The following VPS53 variants were observed in gnomAD, a reference collection of about 807,000 sequenced individuals.
VPS53 encodes the protein VPS53 subunit of GARP complex.
VPS53 carries 70 observed loss-of-function variants against 107.0 expected under a neutral mutation model. The observed-to-expected ratio is 0.65, with a 90% CI of 0.54 to 0.80. The LOEUF is 0.80. Ranked by LOEUF, VPS53 falls within the 30% of genes least tolerant of loss-of-function variation. VPS53 has a pLI of 0.00. For synonymous variants in VPS53, 409 were observed against 393.3 expected (o/e 1.04, Z -0.47); for missense variants, 917 against 1,049.4 (o/e 0.87, Z 1.74).
chr17:611,553 T>C (rs557522540), intron 11 of VPS53, among the ~76,000 whole-genome samples: 55 of 152,338 alleles, frequency 3.6e-4, no homozygotes, highest in Non-Finnish European at 5.1e-4. Flanking sequence ...AAGCCTAGGG[T>C]TACCATGTGA....
At chr17:693,177 G>A (rs1972834677) in intron 4 of VPS53, among the ~76,000 whole-genome samples, 1 of 152,014 alleles carries the variant, frequency 6.6e-6, no homozygotes, top group Non-Finnish European at 1.5e-5. Context: ...ATCTAGGCTG[G>A]GTATAGCCTA....
intron 4 of VPS53, chr17:674,962 A>G (rs1038535073): frequency 1.3e-5 from 2 of 152,378 alleles, no homozygotes; most frequent in East Asian, 3.9e-4. Context: ...AAATCAAGTA[A>G]AGTAATATAT....
chr17:701,901 T>C (rs1973216292), intron 2 of VPS53, among the ~76,000 whole-genome samples: 1 of 152,102 alleles, frequency 6.6e-6, no homozygotes, highest in Non-Finnish European at 1.5e-5. Context: ...CTAATTTTAT[T>C]ATTTTGTTAT....
At chr17:657,116 T>C (rs1450453556) in intron 5 of VPS53, 3 of 1,162,886 alleles carry the variant, frequency 2.6e-6, no homozygotes, top group Admixed American at 1.7e-5. Context: ...AATGGTGTCA[T>C]TCACCTTGAT....
rs887532529 is a variant in VPS53, at chr17:515,136, G to C, written c.*3992C>G. 6.6e-6 allele frequency: 1 copy of C among 152,098 alleles called. No individual in the cohort carries two copies. Among genetic ancestry groups the C allele is most frequent in the African/African-American group, 2.4e-5 (1 of 41,406 alleles). The allele number at this position is 152,098 out of a possible 1,614,324, so 9.4% of individuals were successfully genotyped here. On this transcript the variant is annotated 3_prime_UTR_variant, in exon 22 of 22. Coordinates refer to ENST00000437048, the MANE Select transcript of VPS53 (RefSeq NM_001128159.3). ...AAAGTTGTTTTTTGGTTTTTAAAGG[G>C]GCTACAGAAAATGGACTGAGGGGAA...
Position 565,893 on chromosome 17 carries a change from C to T in VPS53, c.1314-3148G>A, listed in dbSNP as rs182615892. ...TTATTTAACACTTTATTAGACAGTG[C>T]GAGGATGCCATATATTCAAGAAATA... On this transcript the variant is annotated intron_variant, in intron 13 of 21. Coordinates refer to ENST00000437048, the MANE Select transcript of VPS53 (RefSeq NM_001128159.3). Among the ~76,000 whole-genome samples the T allele has an allele frequency of 1.5e-3, 234 of 152,276 alleles. 1 individual carries two copies. The highest frequency in any genetic ancestry group is 5.4e-3 in the African/African-American group (226 of 41,556).
chr17:572,395 C>A (rs1308571820), intron 13 of VPS53, among the ~76,000 whole-genome samples: 1 of 149,910 alleles, frequency 6.7e-6, no homozygotes, highest in African/African-American at 2.5e-5. Flanking sequence ...GGCAGCCACC[C>A]CGTCCGGGAG....
intron 17 of VPS53, among the ~76,000 whole-genome samples, chr17:541,314 T>C (rs1341421432): frequency 6.6e-6 from 1 of 152,200 alleles, no homozygotes; most frequent in Non-Finnish European, 1.5e-5. Context: ...GAAGGAATGT[T>C]TATCAACCGC....
At chr17:538,373 G>C (rs1475255171) in intron 17 of VPS53, 1 of 152,424 alleles carries the variant, frequency 6.6e-6, no homozygotes, top group Non-Finnish European at 1.5e-5. Context: ...AATGGAGCTG[G>C]ATGGTCTGTT....
intron 17 of VPS53, among the ~76,000 whole-genome samples, chr17:541,583 C>T (rs1183102258): frequency 3.3e-5 from 5 of 151,088 alleles, no homozygotes; most frequent in African/African-American, 7.3e-5. Context: ...GCACCTACCA[C>T]GCACCAGGTG....
intron 13 of VPS53, among the ~76,000 whole-genome samples, chr17:583,445 C>T (rs1218193137): frequency 6.6e-6 from 1 of 151,336 alleles, no homozygotes; most frequent in Non-Finnish European, 1.5e-5. Flanking sequence ...CTCTCAGAAC[C>T]TCAATGCGTT....
intron 13 of VPS53, among the ~76,000 whole-genome samples, chr17:566,390 G>A (rs1449081783): frequency 1.3e-5 from 2 of 152,180 alleles, no homozygotes; most frequent in African/African-American, 2.4e-5. Context: ...GAAGGAGGTA[G>A]AATCATCTGT....
At chr17:626,805 T>C (rs559589531) in intron 10 of VPS53, among the ~76,000 whole-genome samples, 68 of 152,328 alleles carry the variant, frequency 4.5e-4, no homozygotes, top group Non-Finnish European at 7.9e-4. Context: ...TGGAACTATC[T>C]ATCTAGCAAG....
intron 12 of VPS53, 103 bp from the exon 13 acceptor site, chr17:586,467 A>G: frequency 2.7e-6 from 3 of 1,105,806 alleles, no homozygotes; most frequent in Admixed American, 4.1e-5. Context: ...TAAGTCACAG[A>G]TAAGAGAGTA....
In VPS53 at chr17:653,283, C is replaced by G; in HGVS notation, c.608+8G>C. The G allele has an allele frequency of 1.2e-6, 2 of 1,613,954 alleles. No homozygotes were observed. Among genetic ancestry groups the G allele is most frequent in the Middle Eastern group, 1.6e-4 (1 of 6,062 alleles). On this transcript the variant is annotated splice_region_variant and intron_variant, in intron 7 of 21. Transcript: ENST00000437048. ...TCCCCATATACTTTCCCTCTGGTGACAGTTTACCTTTCGGAAAGCTGCCGG... is the reference window on the plus strand; with the variant it reads ...TCCCCATATACTTTCCCTCTGGTGAGAGTTTACCTTTCGGAAAGCTGCCGG...
chr17:569,333 T>C (rs1419037775), intron 13 of VPS53, among the ~76,000 whole-genome samples: 1 of 152,204 alleles, frequency 6.6e-6, no homozygotes, highest in Non-Finnish European at 1.5e-5. Flanking sequence ...AATGTACCAA[T>C]GTTAACTTGC....
At chr17:559,419 T>C (rs1380043406) in intron 15 of VPS53, among the ~76,000 whole-genome samples, 1 of 152,234 alleles carries the variant, frequency 6.6e-6, no homozygotes. Flanking sequence ...TGGAGGTCCT[T>C]ACAGATAGTG....
intron 4 of VPS53, chr17:673,817 A>G (rs1972055938): frequency 6.6e-6 from 1 of 152,250 alleles, no homozygotes; most frequent in Non-Finnish European, 1.5e-5. Context: ...GTTCTGTTCC[A>G]TGTAAGTTAC....
At chr17:628,954 A>T (rs756944678) in intron 8 of VPS53, among the ~76,000 whole-genome samples, 12 of 152,360 alleles carry the variant, frequency 7.9e-5, no homozygotes, top group Non-Finnish European at 1.6e-4. Flanking sequence ...ACAGTACGTC[A>T]CTGAGTGAAC....
Sources: allele counts gnomAD v4.1 joint callset (sites outside exome capture counted in the v4.1 genomes callset), GRCh38; gene constraint gnomAD v4.1.1; transcripts MANE v1.5; gene names NCBI Gene and HGNC (gene_info 2026-07-23, HGNC 2026-07-21).